SCN2A: variants seen among roughly 807,000 people sequenced by gnomAD.
The protein encoded by SCN2A is sodium channel protein type 2 subunit alpha.
SCN2A carries 20 observed loss-of-function variants against 188.7 expected under a neutral mutation model. The ratio of observed to expected loss-of-function variants is 0.11; its 90% CI spans 0.07 to 0.15. The LOEUF (loss-of-function observed/expected upper bound fraction) is 0.15, where lower values mean the gene tolerates loss of function less well. Ranked by LOEUF, SCN2A falls within the 10% of genes least tolerant of loss-of-function variation. The pLI is 1.00. For synonymous variants in SCN2A, 804 were observed against 833.1 expected (o/e 0.97, Z 0.60); for missense variants, 1,278 against 2,445.0 (o/e 0.52, Z 10.07).
intron 1 of SCN2A, among the ~76,000 whole-genome samples, chr2:165,276,509 A>G (rs1034859035): frequency 2.6e-5 from 4 of 152,232 alleles, no homozygotes; most frequent in Admixed American, 2.0e-4. Flanking sequence ...AAAAATGACA[A>G]GAAAACTTCT....
chr2:165,312,022 T>C lies in SCN2A; in HGVS notation c.971-3T>C. 6.2e-7 allele frequency: 1 copy of C among 1,607,328 alleles called. No homozygotes were observed. Among genetic ancestry groups the C allele is most frequent in the Non-Finnish European group, 8.5e-7 (1 of 1,174,692 alleles). ...TTCTTTCTATTCCTTTCTCTTTAAA[T>C]AGGTCACTTTTATTTTTTAGAGGGG... On this transcript the variant is annotated splice_polypyrimidine_tract_variant and splice_region_variant and intron_variant, in intron 7 of 26. Coordinates refer to ENST00000375437, the MANE Select transcript of SCN2A (RefSeq NM_001040142.2).
In SCN2A at chr2:165,386,812, C is replaced by T. The variant is rs764567959; in HGVS notation, c.4618C>T (p.Leu1540Phe). The T allele has an allele frequency of 1.2e-6, 2 of 1,613,684 alleles. No homozygotes were observed. The highest frequency in any genetic ancestry group is 2.2e-5 in the East Asian group (1 of 44,852). ...KQVFDISIMI[L>F]ICLNMVTMMV... ...AGTCTTTGATATCAGCATCATGATC[C>T]TCATCTGCCTTAACATGGTCACCAT... The change falls in exon 26 of 27, where the codon CTC becomes TTC. Residue 1540 changes from leucine (L) to phenylalanine (F), a missense_variant. Physicochemically the swap from Leu to Phe is conservative, Grantham distance 22. Coordinates refer to ENST00000375437, the MANE Select transcript of SCN2A (RefSeq NM_001040142.2).
At chr2:165,241,982 GA>G (rs1693642734) in intron 1 of SCN2A, among the ~76,000 whole-genome samples, 1 of 152,164 alleles carries the variant, frequency 6.6e-6, no homozygotes, top group African/African-American at 2.4e-5. Flanking sequence ...AAACTGTAGA[GA>G]AAGGTAAATA....
At chr2:165,322,754 A>C (rs796391061) in intron 11 of SCN2A, among the ~76,000 whole-genome samples, 16 of 152,316 alleles carry the variant, frequency 1.1e-4, no homozygotes, top group African/African-American at 3.6e-4. Context: ...AGAGGATCTA[A>C]AGGTAGATTT....
At position 165,312,005 on chromosome 2, in the gene SCN2A, AT is replaced by A; in HGVS notation, c.971-18del. 3.8e-6 allele frequency: 6 copies of A among 1,582,940 alleles called. No individual in the cohort carries two copies. Among genetic ancestry groups the A allele is most frequent in the Non-Finnish European group, 5.2e-6 (6 of 1,153,310 alleles). ...TTACAGGATTTTAATGATTCTTTCTATTCCTTTCTCTTTAAATAGGTCACTT... is the reference window on the plus strand; with the variant it reads ...TTACAGGATTTTAATGATTCTTTCTATCCTTTCTCTTTAAATAGGTCACTT... On this transcript the variant is annotated intron_variant, in intron 7 of 26. Transcript: ENST00000375437.
intron 16 of SCN2A, among the ~76,000 whole-genome samples, chr2:165,350,460 CTTTCTTTTT>C (rs1405701713): frequency 0.012 from 968 of 77,920 alleles, 49 homozygotes; most frequent in East Asian, 0.054. Context: ...GAACTGTTTT[CTTTCTTTTT>C]TTTTTTTTTT....
chr2:165,315,857 C>A (rs751801373), intron 11 of SCN2A, 99 bp downstream of exon 11: 6 of 1,293,284 alleles, frequency 4.6e-6, no homozygotes, highest in Non-Finnish European at 6.6e-6. Flanking sequence ...CTGGATGGCA[C>A]AATGCTTTCA....
chr2:165,294,996 G>A (rs1187261306), intron 1 of SCN2A, among the ~76,000 whole-genome samples: 1 of 152,158 alleles, frequency 6.6e-6, no homozygotes, highest in Admixed American at 6.5e-5. Flanking sequence ...ATTTCCTAAG[G>A]TACTGCAAAT....
Position 165,378,395 on chromosome 2 carries a change from T to C in SCN2A, c.4308+745T>C, listed in dbSNP as rs561701404. Among the ~76,000 whole-genome samples the C allele has an allele frequency of 3.3e-5, 5 of 151,684 alleles. No individual in the cohort carries two copies. In the South Asian group the frequency reaches 8.3e-4, roughly 25 times the overall value. On this transcript the variant is annotated intron_variant, in intron 23 of 26. Coordinates refer to ENST00000375437, the MANE Select transcript of SCN2A (RefSeq NM_001040142.2). ...GCAAGAAAGCATGAAAAGCCCTGCA[T>C]TGTATCTCTATAAGTGCTATCAGGA...
intron 23 of SCN2A, among the ~76,000 whole-genome samples, 196 bp downstream of exon 23, chr2:165,377,846 T>A (rs561764336): frequency 6.6e-6 from 1 of 152,050 alleles, no homozygotes; most frequent in Admixed American, 6.6e-5. Flanking sequence ...TCACTCTGTA[T>A]CTTTTAACAT....
intron 3 of SCN2A, among the ~76,000 whole-genome samples, chr2:165,307,645 A>G (rs1697208408): frequency 6.6e-6 from 1 of 152,124 alleles, no homozygotes; most frequent in African/African-American, 2.4e-5. Flanking sequence ...GCCTCAAAAT[A>G]GTTGATGGCT....
chr2:165,351,356 T>C (rs751784486), intron 16 of SCN2A, among the ~76,000 whole-genome samples: 1 of 152,190 alleles, frequency 6.6e-6, no homozygotes, highest in Non-Finnish European at 1.5e-5. Context: ...GGGATATTTA[T>C]TTATTTTCCT....
intron 14 of SCN2A, among the ~76,000 whole-genome samples, chr2:165,333,565 A>T (rs1461245737): frequency 6.6e-6 from 1 of 151,920 alleles, no homozygotes; most frequent in African/African-American, 2.4e-5. Flanking sequence ...AGTCAATAAG[A>T]TGTCATGAGA....
chr2:165,359,242 C>A (rs1700330044), intron 17 of SCN2A, among the ~76,000 whole-genome samples: 1 of 152,046 alleles, frequency 6.6e-6, no homozygotes, highest in Admixed American at 6.6e-5. Flanking sequence ...CACAGATGCG[C>A]ATATACACAG....
intron 20 of SCN2A, chr2:165,371,232 C>G (rs2105367197): frequency 2.0e-5 from 3 of 152,276 alleles, no homozygotes; most frequent in Admixed American, 2.0e-4. Context: ...AGTTGTCCTG[C>G]AGCTAATGAT....
At chr2:165,239,732 T>C (rs1693536224) in intron 1 of SCN2A, 92 bp downstream of exon 1, 2 of 537,336 alleles carry the variant, frequency 3.7e-6, no homozygotes, top group Non-Finnish European at 4.8e-6. Context: ...TTTGTTAGCT[T>C]GTATTCAGAT....
At chr2:165,276,475 C>T (rs1381390243) in intron 1 of SCN2A, among the ~76,000 whole-genome samples, 2 of 152,124 alleles carry the variant, frequency 1.3e-5, no homozygotes, top group African/African-American at 4.8e-5. Context: ...CCAACAAAGA[C>T]AAATAGATTC....
At chr2:165,285,873 T>C (rs1201253167) in intron 1 of SCN2A, 6 of 201,896 alleles carry the variant, frequency 3.0e-5, no homozygotes, top group Non-Finnish European at 6.2e-5. Flanking sequence ...CATTGAAGCC[T>C]TGGAGAAAGA....
chr2:165,295,664 A>G, intron 1 of SCN2A, 109 bp from the exon 2 acceptor site: 1 of 983,742 alleles, frequency 1.0e-6, no homozygotes, highest in South Asian at 1.6e-5. Flanking sequence ...TGAAAATATT[A>G]TAGCTATCTG....
Sources: allele counts gnomAD v4.1 joint callset (sites outside exome capture counted in the v4.1 genomes callset), GRCh38; gene constraint gnomAD v4.1.1; transcripts MANE v1.5; gene names NCBI Gene and HGNC (gene_info 2026-07-23, HGNC 2026-07-21).